Variants in POC1B observed in about 807,000 individuals in gnomAD.
The protein encoded by POC1B is POC1 centriolar protein B.
A neutral mutation model predicts 60.6 loss-of-function variants in POC1B; 44 were observed. The ratio of observed to expected loss-of-function variants is 0.73; its 90% CI spans 0.57 to 0.93. The LOEUF is 0.93. Among genes scored for constraint, POC1B ranks in the 40% least tolerant of loss-of-function variants. The probability of loss-of-function intolerance (pLI) is 0.00; values close to 1 mark genes in which losing one functional copy is unlikely to be tolerated. For missense variants in POC1B, 555 were observed against 572.3 expected (o/e 0.97, Z 0.31); for synonymous variants, 180 against 198.9 (o/e 0.90, Z 0.80).
chr12:89,434,529 C>T (rs1431422878), intron 10 of POC1B, among the ~76,000 whole-genome samples: 1 of 152,168 alleles, frequency 6.6e-6, no homozygotes, highest in Admixed American at 6.5e-5. Context: ...TAAGAAAACA[C>T]AAACCATTAA....
intron 4 of POC1B, among the ~76,000 whole-genome samples, chr12:89,477,368 T>C (rs1279254920): frequency 6.6e-6 from 1 of 152,040 alleles, no homozygotes; most frequent in East Asian, 1.9e-4. Flanking sequence ...CCATGAAAAT[T>C]ACTTGTTCGG....
intron 10 of POC1B, among the ~76,000 whole-genome samples, chr12:89,435,622 TTCC>T (rs1373074019): frequency 5.3e-5 from 8 of 152,228 alleles, no homozygotes; most frequent in African/African-American, 1.9e-4. Flanking sequence ...TGTAGGTGTT[TTCC>T]TCCTTTCTTA....
chr12:89,500,119 C>G, intron 2 of POC1B: 1 of 1,501,564 alleles, frequency 6.7e-7, no homozygotes, highest in Non-Finnish European at 9.2e-7. Context: ...TGGATCATCT[C>G]AAAAATGGCT....
intron 2 of POC1B, chr12:89,501,599 GC>G: frequency 7.3e-7 from 1 of 1,376,606 alleles, no homozygotes. Context: ...AAAAAGAAGC[GC>G]TTTTCTAGTG....
intron 10 of POC1B, among the ~76,000 whole-genome samples, chr12:89,432,383 TAAAAAAAA>T (rs57839375): frequency 6.2e-5 from 2 of 32,016 alleles, no homozygotes; most frequent in Admixed American, 5.9e-4. Flanking sequence ...CTCTGTTTCT[TAAAAAAAA>T]AAAAAAAAAA....
In POC1B at chr12:89,495,755, G is replaced by GTAT. The variant is rs374258039; in HGVS notation, c.272+1413_272+1415dup. 2.4e-3 allele frequency among the ~76,000 whole-genome samples: 367 copies of GTAT among 151,316 alleles called. 2 individuals are homozygous for GTAT. Among genetic ancestry groups the GTAT allele is most frequent in the African/African-American group, 7.4e-3 (307 of 41,274 alleles). ...ATTACATTTATTGTGTACTTTATTC[G>GTAT]TATTATTATTATTATTATTATTGAG... On this transcript the variant is annotated intron_variant, in intron 3 of 11. Transcript: ENST00000313546.
chr12:89,404,528 T>C, the POC1B span, among the ~76,000 whole-genome samples: 5 of 152,182 alleles, frequency 3.3e-5, no homozygotes, highest in East Asian at 1.9e-4. Context: ...AGCACTAGAA[T>C]AGGAGTCCTG....
chr12:89,450,836 T>G (rs984665952), intron 10 of POC1B, among the ~76,000 whole-genome samples: 1 of 152,230 alleles, frequency 6.6e-6, no homozygotes, highest in Non-Finnish European at 1.5e-5. Context: ...ATTATTTCTT[T>G]AGGATGATTT....
rs1034356744 is a variant in POC1B, at chr12:89,443,976, T to C, written c.1113+15662A>G. ...TACCATCAGAAAATAACATAAACAC[T>C]TCTATGCAAAGAAACTAGAAAATCT... On this transcript the variant is annotated intron_variant, in intron 10 of 11. Transcript: ENST00000313546. Among the ~76,000 whole-genome samples the C allele has an allele frequency of 1.7e-3, 259 of 152,180 alleles. 6 individuals are homozygous for C. The highest frequency in any genetic ancestry group is 4.1e-4 in the Non-Finnish European group (28 of 67,986).
At chr12:89,442,589 G>A (rs1365050366) in intron 10 of POC1B, among the ~76,000 whole-genome samples, 2 of 152,126 alleles carry the variant, frequency 1.3e-5, no homozygotes, top group Non-Finnish European at 2.9e-5. Flanking sequence ...TGCCTTACAA[G>A]AGCTCCTGAA....
chr12:89,437,616 T>C (rs750662943), intron 10 of POC1B, among the ~76,000 whole-genome samples: 7 of 143,856 alleles, frequency 4.9e-5, no homozygotes, highest in Non-Finnish European at 7.5e-5. Context: ...CCCCACCATA[T>C]AGTTTCTTTA....
intron 4 of POC1B, among the ~76,000 whole-genome samples, chr12:89,488,003 C>T (rs1868736755): frequency 6.6e-6 from 1 of 152,110 alleles, no homozygotes. Flanking sequence ...TGTCTTTCAT[C>T]TCTACATACT....
the POC1B span, among the ~76,000 whole-genome samples, chr12:89,414,692 T>A: frequency 1.3e-5 from 2 of 152,238 alleles, no homozygotes; most frequent in Non-Finnish European, 2.9e-5. Context: ...GAGACCCACC[T>A]GTTTTTATTA....
chr12:89,440,686 T>G (rs1881474440), intron 10 of POC1B, among the ~76,000 whole-genome samples: 1 of 152,232 alleles, frequency 6.6e-6, no homozygotes, highest in African/African-American at 2.4e-5. Flanking sequence ...ACAGCTCCAG[T>G]CTACAGCTCC....
At chr12:89,508,130 T>C (rs1437136799) in intron 2 of POC1B, among the ~76,000 whole-genome samples, 1 of 152,242 alleles carries the variant, frequency 6.6e-6, no homozygotes, top group Non-Finnish European at 1.5e-5. Context: ...AATGTGTGTG[T>C]CTATTCTCAT....
intron 4 of POC1B, among the ~76,000 whole-genome samples, chr12:89,474,520 T>C (rs1883032816): frequency 6.6e-6 from 1 of 152,200 alleles, no homozygotes; most frequent in African/African-American, 2.4e-5. Context: ...ATTAACACAT[T>C]ACATGTAGCA....
chr12:89,414,964 G>C (rs137902548), downstream of POC1B, among the ~76,000 whole-genome samples: 2,537 of 150,084 alleles, frequency 0.017, 73 homozygotes, highest in African/African-American at 0.058. Flanking sequence ...AATGGTCAAA[G>C]GGCAAAAATA....
the POC1B span, among the ~76,000 whole-genome samples, chr12:89,402,793 A>C: frequency 6.6e-6 from 1 of 152,132 alleles, no homozygotes; most frequent in African/African-American, 2.4e-5. Flanking sequence ...AGGCTAGAGC[A>C]CAGTGGCACA....
intron 4 of POC1B, among the ~76,000 whole-genome samples, chr12:89,481,107 C>T (rs1490209663): frequency 2.6e-5 from 4 of 152,238 alleles, no homozygotes; most frequent in Admixed American, 1.3e-4. Context: ...CTCCTGGCCT[C>T]GAGTGATCCA....
Sources: gnomAD v4.1 joint callset for allele counts (sites outside exome capture counted in the v4.1 genomes callset) on GRCh38, gnomAD v4.1.1 for gene constraint, MANE v1.5 for transcripts, NCBI Gene and HGNC (gene_info 2026-07-23, HGNC 2026-07-21) for gene names.